The following CCDC102B variants were observed in gnomAD, a reference collection of about 807,000 sequenced individuals.
CCDC102B encodes the protein coiled-coil domain-containing protein 102B.
In CCDC102B, 75 loss-of-function variants were observed where a neutral mutation model predicts 57.4. The observed-to-expected ratio is 1.31, with a 90% confidence interval of 1.08 to 1.58. CCDC102B has a LOEUF of 1.58. Among genes scored for constraint, CCDC102B ranks in the 40% most tolerant of loss-of-function variants. The pLI, the probability that CCDC102B is intolerant of heterozygous loss-of-function variation, is 0.00. For missense variants in CCDC102B, 636 were observed against 582.6 expected (o/e 1.09, Z -0.94); for synonymous variants, 206 against 201.9 (o/e 1.02, Z -0.17).
At chr18:68,831,835 A>C (rs2037153607) in intron 1 of CCDC102B, among the ~76,000 whole-genome samples, 1 of 152,164 alleles carries the variant, frequency 6.6e-6, no homozygotes, top group Non-Finnish European at 1.5e-5. Context: ...GCAAAAGTTC[A>C]TATATATGTA....
At chr18:69,038,735 T>G (rs577671026) in intron 7 of CCDC102B, among the ~76,000 whole-genome samples, 2 of 152,102 alleles carry the variant, frequency 1.3e-5, no homozygotes, top group East Asian at 1.9e-4. Context: ...TTACATATTC[T>G]ATATATTTAT....
intron 2 of CCDC102B, among the ~76,000 whole-genome samples, chr18:68,747,368 A>G (rs1437811641): frequency 1.3e-5 from 2 of 152,024 alleles, no homozygotes; most frequent in Admixed American, 6.6e-5. Flanking sequence ...ACTTAACATA[A>G]TGTTCTGCAG....
chr18:68,968,663 A>G (rs1709898976), intron 6 of CCDC102B, among the ~76,000 whole-genome samples: 1 of 152,178 alleles, frequency 6.6e-6, no homozygotes, highest in South Asian at 2.1e-4. Context: ...TTCATCTTGT[A>G]TAATCATAAC....
chr18:68,991,223 A>G lies in CCDC102B; in HGVS notation c.1264-19711A>G, dbSNP rs139087059. Among the ~76,000 whole-genome samples, 408 of 148,818 alleles carry G rather than the reference A, an allele frequency of 2.7e-3. 1 individual carries two copies. Among genetic ancestry groups the G allele is most frequent in the African/African-American group, 9.4e-3 (381 of 40,406 alleles). On this transcript the variant is annotated intron_variant, in intron 6 of 7. Coordinates refer to ENST00000360242, the MANE Select transcript of CCDC102B (RefSeq NM_024781.3). Reference sequence around the variant, plus strand: ...GTCCATTTATTTTCTTCATTTCTCTAGAATTATGAACAAAACCAATAGCTT... The same window carrying G: ...GTCCATTTATTTTCTTCATTTCTCTGGAATTATGAACAAAACCAATAGCTT...
At chr18:69,046,399 T>A (rs772344262) in intron 7 of CCDC102B, among the ~76,000 whole-genome samples, 93 of 152,194 alleles carry the variant, frequency 6.1e-4, no homozygotes, top group Non-Finnish European at 1.2e-3. Context: ...TGTCTTCTTT[T>A]GAGAACTGTC....
chr18:69,034,958 C>A (rs1006560233), intron 7 of CCDC102B, among the ~76,000 whole-genome samples: 1 of 151,710 alleles, frequency 6.6e-6, no homozygotes, highest in African/African-American at 2.4e-5. Context: ...ACAGCCATAC[C>A]CTTAAAATGG....
At chr18:68,767,530 A>G (rs2034508619) in intron 2 of CCDC102B, among the ~76,000 whole-genome samples, 1 of 152,246 alleles carries the variant, frequency 6.6e-6, no homozygotes, top group Admixed American at 6.5e-5. Flanking sequence ...GTATTCTGCT[A>G]TAGCAGCCCA....
chr18:68,992,827 G>T (rs2050909662), intron 6 of CCDC102B: 1 of 164,212 alleles, frequency 6.1e-6, no homozygotes, highest in African/African-American at 2.4e-5. Flanking sequence ...TGGTCATGCA[G>T]CAGCACAGGT....
intron 4 of CCDC102B, among the ~76,000 whole-genome samples, chr18:68,866,001 AATG>A (rs767186810): frequency 2.4e-4 from 36 of 152,186 alleles, no homozygotes; most frequent in African/African-American, 8.2e-4. Context: ...TTAACAAAAG[AATG>A]ATAATTCTTA....
intron 2 of CCDC102B, among the ~76,000 whole-genome samples, chr18:68,760,211 A>C (rs2145266146): frequency 6.6e-6 from 1 of 152,246 alleles, no homozygotes; most frequent in Middle Eastern, 3.4e-3. Flanking sequence ...ATAAAAGTTA[A>C]CAAAAATAAG....
chr18:68,810,060 GTAATT>G (rs1057296073), intron 1 of CCDC102B, among the ~76,000 whole-genome samples: 22 of 152,080 alleles, frequency 1.4e-4, no homozygotes, highest in African/African-American at 5.3e-4. Flanking sequence ...TTCATTATGT[GTAATT>G]TAATTTGTAT....
intron 2 of CCDC102B, among the ~76,000 whole-genome samples, chr18:68,737,574 C>T (rs1008644499): frequency 2.0e-5 from 3 of 151,912 alleles, no homozygotes; most frequent in African/African-American, 7.3e-5. Flanking sequence ...CTCATTGCTG[C>T]AGGATCTGAC....
intron 5 of CCDC102B, among the ~76,000 whole-genome samples, chr18:68,876,170 A>G (rs1335823428): frequency 6.6e-6 from 1 of 152,204 alleles, no homozygotes; most frequent in African/African-American, 2.4e-5. Flanking sequence ...AACAGCAAAA[A>G]AGGAAGAAAG....
chr18:68,853,661 TC>T (rs142521200), intron 4 of CCDC102B, among the ~76,000 whole-genome samples: 2,397 of 96,950 alleles, frequency 0.025, 83 homozygotes, highest in African/African-American at 0.089. Flanking sequence ...TTTTTCTTTA[TC>T]CCCAAATTGT....
intron 2 of CCDC102B, among the ~76,000 whole-genome samples, chr18:68,737,713 A>G (rs1568224983): frequency 1.3e-5 from 2 of 152,162 alleles, no homozygotes. Context: ...TCAATTATGT[A>G]GCAGCAGCCC....
At chr18:68,853,672 T>TAGAAA (rs2038241017) in intron 4 of CCDC102B, among the ~76,000 whole-genome samples, 1 of 94,680 alleles carries the variant, frequency 1.1e-5, no homozygotes, top group African/African-American at 4.7e-5. Flanking sequence ...CCCCAAATTG[T>TAGAAA]AAAAAAAAAA....
At chr18:68,759,030 A>C (rs558594301) in intron 2 of CCDC102B, among the ~76,000 whole-genome samples, 1 of 152,042 alleles carries the variant, frequency 6.6e-6, no homozygotes, top group East Asian at 1.9e-4. Flanking sequence ...AAAACAAACA[A>C]ACAAACAAAA....
rs945391037 is a variant in CCDC102B, at chr18:68,905,791, TTTTTTTTTTTTTTTTTTTTTGAG to T, written c.1263+8364_1263+8386del. Among the ~76,000 whole-genome samples, 585 of 117,404 alleles carry T rather than the reference TTTTTTTTTTTTTTTTTTTTTGAG, an allele frequency of 5.0e-3. 6 individuals carry two copies. Among genetic ancestry groups the T allele is most frequent in the African/African-American group, 0.019 (561 of 30,032 alleles). 77.0% of individuals were successfully genotyped at this position (117,404 alleles called of 152,430 possible). ...ATAATCTTTTATGTCTGGCTTTTTTTTTTTTTTTTTTTTTTTTTTTGAGACAGAGTCTAGCTCTGTCACCCAGG... is the reference window on the plus strand; with the variant it reads ...ATAATCTTTTATGTCTGGCTTTTTTTACAGAGTCTAGCTCTGTCACCCAGG... On this transcript the variant is annotated intron_variant, in intron 6 of 7. Transcript: ENST00000360242.
intron 1 of CCDC102B, among the ~76,000 whole-genome samples, chr18:68,814,785 C>T (rs770136442): frequency 7.9e-5 from 12 of 151,780 alleles, no homozygotes; most frequent in Non-Finnish European, 1.6e-4. Flanking sequence ...AGCGTGTTTC[C>T]CAAAATATTT....
Sources: gnomAD v4.1 joint callset for allele counts (sites outside exome capture counted in the v4.1 genomes callset) on GRCh38, gnomAD v4.1.1 for gene constraint, MANE v1.5 for transcripts, NCBI Gene and HGNC (gene_info 2026-07-23, HGNC 2026-07-21) for gene names.